The following CLMP variants were observed in gnomAD, a reference collection of about 807,000 sequenced individuals.
CLMP encodes CXADR like cell adhesion molecule.
Under a neutral mutation model 45.2 loss-of-function variants are expected in CLMP, and 27 were observed. That is an observed-to-expected ratio of 0.60 (90% CI 0.44 to 0.82). The LOEUF is 0.82. Ranked by LOEUF, CLMP falls within the 40% of genes least tolerant of loss-of-function variation. The pLI, the probability that CLMP is intolerant of heterozygous loss-of-function variation, is 0.00. For synonymous variants in CLMP, 167 were observed against 171.4 expected, an observed-to-expected ratio of 0.97 and a Z score of 0.20; for missense variants, 403 against 448.4, an observed-to-expected ratio of 0.90 and a Z score of 0.91.
At position 123,150,516 on chromosome 11, in the gene CLMP, GAAGGAAGGAAGGAAAGAAA is replaced by G. The variant is rs1174916946; in HGVS notation, c.28+44378_28+44396del. Among the ~76,000 whole-genome samples, 16 of 129,414 alleles carry G rather than the reference GAAGGAAGGAAGGAAAGAAA, an allele frequency of 1.2e-4. No individual in the cohort carries two copies. In the East Asian group the frequency reaches 2.0e-3, roughly 16 times the overall value. 84.9% of individuals were successfully genotyped at this position (129,414 alleles called of 152,430 possible). ...GGAAGGAAGGAAGGAAGGAAGGAAG[GAAGGAAGGAAGGAAAGAAA>G]CAAGCAAGGAAGGAAGGAAGGAAGG... On this transcript the variant is annotated intron_variant, in intron 1 of 6. Transcript: ENST00000448775.
intron 1 of CLMP, among the ~76,000 whole-genome samples, chr11:123,114,327 T>C (rs1309659941): frequency 6.6e-6 from 1 of 152,160 alleles, no homozygotes; most frequent in Non-Finnish European, 1.5e-5. Flanking sequence ...AGAGAGAAGA[T>C]GACTGGTTTG....
intron 1 of CLMP, among the ~76,000 whole-genome samples, chr11:123,106,422 TGTGCGCGC>T (rs1158733780): frequency 1.0e-4 from 9 of 86,300 alleles, no homozygotes; most frequent in African/African-American, 2.4e-4. Context: ...TGTGTGTGTG[TGTGCGCGC>T]GCGCGCGCGC....
intron 1 of CLMP, among the ~76,000 whole-genome samples, chr11:123,180,166 A>T (rs897119586): frequency 6.6e-6 from 1 of 152,254 alleles, no homozygotes; most frequent in Non-Finnish European, 1.5e-5. Flanking sequence ...TGTGTCAGGC[A>T]CTGTCCTAAG....
rs761902449 is a variant in CLMP, at chr11:123,071,723, CA to C, written c.*1750del. ...TGGGCAACAGAGCGAGACTTCGTCT[CA>C]AAAAAAAAAAAGTTTTCTACTCTCC... is the stretch of plus-strand genomic sequence containing the variant. On this transcript the variant is annotated 3_prime_UTR_variant, in exon 7 of 7. Coordinates refer to ENST00000448775, the MANE Select transcript of CLMP (RefSeq NM_024769.5). The C allele has an allele frequency of 5.9e-4, 83 of 140,934 alleles. No homozygotes were observed. Among genetic ancestry groups the C allele is most frequent in the Non-Finnish European group, 6.5e-4 (42 of 64,412 alleles). 8.7% of individuals were successfully genotyped at this position (140,934 alleles called of 1,614,324 possible). A position where few individuals can be genotyped will look rare whatever the true frequency, so the allele number is the denominator to read the frequency against.
intron 1 of CLMP, among the ~76,000 whole-genome samples, chr11:123,150,325 G>A (rs1480380410): frequency 6.6e-6 from 1 of 150,482 alleles, no homozygotes; most frequent in Non-Finnish European, 1.5e-5. Flanking sequence ...GAGTTCCAAG[G>A]AAGATCTTCC....
chr11:123,160,450 G>A lies in CLMP; in HGVS notation c.28+34463C>T, dbSNP rs148318971. 3.6e-3 allele frequency among the ~76,000 whole-genome samples: 554 copies of A among 152,184 alleles called. 3 individuals carry two copies. The highest frequency in any genetic ancestry group is 0.017 in the Middle Eastern group (5 of 294). The stretch of plus-strand genomic sequence containing the variant: ...TGCACTTATTAATGATTTCCTAAAT[G>A]CTGGCTCACATGGACGCAGTTAATT... On this transcript the variant is annotated intron_variant, in intron 1 of 6. Coordinates refer to ENST00000448775, the MANE Select transcript of CLMP (RefSeq NM_024769.5).
chr11:123,083,919 T>G (rs546456292), intron 3 of CLMP, 72 bp from the exon 4 acceptor site: 1 of 1,553,294 alleles, frequency 6.4e-7, no homozygotes, highest in African/African-American at 1.4e-5. Flanking sequence ...ATGGAAAAAT[T>G]ATGTCCTATT....
intron 2 of CLMP, among the ~76,000 whole-genome samples, chr11:123,090,613 G>A (rs1865920586): frequency 6.6e-6 from 1 of 152,148 alleles, no homozygotes; most frequent in African/African-American, 2.4e-5. Context: ...TTGTGGGAAT[G>A]AGATAGTAAG....
rs1187866009 is a variant in CLMP, at chr11:123,070,165, A to T, written c.*3309T>A. On this transcript the variant is annotated 3_prime_UTR_variant, in exon 7 of 7. Coordinates refer to ENST00000448775, the MANE Select transcript of CLMP (RefSeq NM_024769.5). Reference sequence around the variant, plus strand: ...GACATGGTTACTCAATGTCCACATCATTCCATCTGCATCGTCTTCCTACAA... The same window carrying T: ...GACATGGTTACTCAATGTCCACATCTTTCCATCTGCATCGTCTTCCTACAA... 6.6e-6 allele frequency: 1 copy of T among 152,242 alleles called. No homozygotes were observed. Among genetic ancestry groups the T allele is most frequent in the Non-Finnish European group, 1.5e-5 (1 of 68,040 alleles). The allele number at this position is 152,242 out of a possible 1,614,324, so 9.4% of individuals were successfully genotyped here. A position where few individuals can be genotyped will look rare whatever the true frequency, so the allele number is the denominator to read the frequency against.
At chr11:123,119,919 TC>T (rs1292745538) in intron 1 of CLMP, among the ~76,000 whole-genome samples, 1 of 152,164 alleles carries the variant, frequency 6.6e-6, no homozygotes, top group Non-Finnish European at 1.5e-5. Flanking sequence ...ACTCCTGACC[TC>T]AGGTGATCCA....
At position 123,187,636 on chromosome 11, in the gene CLMP, G is replaced by A. The variant is rs76719175; in HGVS notation, c.28+7277C>T. On this transcript the variant is annotated intron_variant, in intron 1 of 6. Coordinates refer to ENST00000448775, the MANE Select transcript of CLMP (RefSeq NM_024769.5). ...AGATACAAACCTGGGGTGAGTAGAT[G>A]GCCATTCTTAATTAAGAGATCCAAA... is the stretch of plus-strand genomic sequence containing the variant. Among the ~76,000 whole-genome samples the A allele has an allele frequency of 1.6e-3, 236 of 151,802 alleles. 2 individuals carry two copies. In the East Asian group the frequency reaches 0.036, roughly 23 times the overall value.
intron 1 of CLMP, among the ~76,000 whole-genome samples, chr11:123,104,089 C>T (rs145345412): frequency 3.0e-4 from 44 of 148,044 alleles, no homozygotes; most frequent in African/African-American, 1.1e-3. Context: ...CTCGGCCTCC[C>T]AAAGTGCTGG....
intron 1 of CLMP, among the ~76,000 whole-genome samples, chr11:123,108,130 C>T (rs1390973163): frequency 6.6e-6 from 1 of 152,116 alleles, no homozygotes; most frequent in East Asian, 1.9e-4. Flanking sequence ...CCTAGCCTCC[C>T]TTGTCACGAA....
In CLMP at chr11:123,169,517, A is replaced by G. The variant is rs138754313; in HGVS notation, c.28+25396T>C. 4.9e-3 allele frequency among the ~76,000 whole-genome samples: 748 copies of G among 152,334 alleles called. 5 individuals carry two copies. The highest frequency in any genetic ancestry group is 0.017 in the African/African-American group (695 of 41,566). On this transcript the variant is annotated intron_variant, in intron 1 of 6. Coordinates refer to ENST00000448775, the MANE Select transcript of CLMP (RefSeq NM_024769.5). ...CATCTTGTCCATCTTCCAGTCTCCA[A>G]GAAGGACAGTGTCCAACCCCTCTTA...
At chr11:123,076,991 CTTTTTTT>C (rs869224079) in intron 5 of CLMP, among the ~76,000 whole-genome samples, 24,575 of 100,058 alleles carry the variant, frequency 0.25, 1,929 homozygotes, top group Admixed American at 0.33. Context: ...GCTATTTATT[CTTTTTTT>C]TTTTTTTTTT....
chr11:123,098,089 T>A, intron 1 of CLMP, 137 bp from the exon 2 acceptor site: 1 of 582,362 alleles, frequency 1.7e-6, no homozygotes, highest in Non-Finnish European at 2.7e-6. Context: ...CTAGACCAGG[T>A]GTACTAGAAG....
In CLMP at chr11:123,176,014, A is replaced by G. The variant is rs182758793; in HGVS notation, c.28+18899T>C. Among the ~76,000 whole-genome samples, 275 of 152,136 alleles carry G rather than the reference A, an allele frequency of 1.8e-3. 1 individual carries two copies. The highest frequency in any genetic ancestry group is 5.9e-3 in the Admixed American group (91 of 15,300). Reference sequence around the variant, plus strand: ...CATTTTCATTGCCTCACAGGGGAGTAAGAAAAAATATAGATGATGTAATCT... The same window carrying G: ...CATTTTCATTGCCTCACAGGGGAGTGAGAAAAAATATAGATGATGTAATCT... On this transcript the variant is annotated intron_variant, in intron 1 of 6. Coordinates refer to ENST00000448775, the MANE Select transcript of CLMP (RefSeq NM_024769.5).
intron 2 of CLMP, 41 bp from the exon 3 acceptor site, chr11:123,084,754 C>G: frequency 6.4e-7 from 1 of 1,562,378 alleles, no homozygotes; most frequent in Non-Finnish European, 8.8e-7. Context: ...GCGTAACTCT[C>G]AGCCTGCCTT....
rs553583791 is a variant in CLMP, at chr11:123,155,880, A to G, written c.28+39033T>C. On this transcript the variant is annotated intron_variant, in intron 1 of 6. Coordinates refer to ENST00000448775, the MANE Select transcript of CLMP (RefSeq NM_024769.5). ...TCTGCGGGAAGCCAGGTACCATGGC[A>G]TGAGAATGACAAAGCAGCCCAAGGG... is the stretch of plus-strand genomic sequence containing the variant. Among the ~76,000 whole-genome samples, 3 of 152,322 alleles carry G rather than the reference A, an allele frequency of 2.0e-5. No homozygotes were observed. The South Asian group carries it at 6.2e-4, about 32-fold the overall frequency.
Sources: gnomAD v4.1 joint callset for allele counts (sites outside exome capture counted in the v4.1 genomes callset) on GRCh38, gnomAD v4.1.1 for gene constraint, MANE v1.5 for transcripts, NCBI Gene and HGNC (gene_info 2026-07-23, HGNC 2026-07-21) for gene names.